Variants in CNTN6 observed in about 807,000 individuals in gnomAD.
CNTN6 encodes the protein contactin 6, also known as contactin-6.
In CNTN6, 137 loss-of-function variants were observed where a neutral mutation model predicts 122.8. That is an observed-to-expected ratio of 1.12 (90% CI 0.97 to 1.29). The LOEUF (loss-of-function observed/expected upper bound fraction) is 1.29, where lower values mean the gene tolerates loss of function less well. CNTN6 is among the 50% of genes most tolerant of loss of function. The probability of loss-of-function intolerance (pLI) is 0.00; values close to 1 mark genes in which losing one functional copy is unlikely to be tolerated. For synonymous variants in CNTN6, 570 were observed against 426.0 expected (o/e 1.34, Z -4.16); for missense variants, 1,634 against 1,223.4 (o/e 1.34, Z -5.01).
chr3:1,350,600 A>G (rs1705471353), intron 11 of CNTN6, among the ~76,000 whole-genome samples: 1 of 151,890 alleles, frequency 6.6e-6, no homozygotes, highest in Admixed American at 6.6e-5. Context: ...TGAGCCTGAA[A>G]GGGGTAGTAT....
intron 2 of CNTN6, among the ~76,000 whole-genome samples, chr3:1,151,660 A>G (rs1322053100): frequency 6.6e-6 from 1 of 152,230 alleles, no homozygotes; most frequent in African/African-American, 2.4e-5. Flanking sequence ...GACCTTCAAC[A>G]ATAGGTCCAT....
chr3:1,197,632 C>T (rs764540928), intron 2 of CNTN6, among the ~76,000 whole-genome samples: 5 of 152,114 alleles, frequency 3.3e-5, no homozygotes, highest in Non-Finnish European at 7.3e-5. Context: ...AAAATGTGCA[C>T]TTATGTGGAG....
chr3:1,279,700 G>A (rs1489755815), intron 5 of CNTN6, among the ~76,000 whole-genome samples: 1 of 152,114 alleles, frequency 6.6e-6, no homozygotes, highest in African/African-American at 2.4e-5. Context: ...ACAAAGGACA[G>A]ATGTTTAAAA....
At chr3:1,095,201 G>T (rs563598845) in intron 1 of CNTN6, among the ~76,000 whole-genome samples, 1 of 151,980 alleles carries the variant, frequency 6.6e-6, no homozygotes, top group African/African-American at 2.4e-5. Flanking sequence ...GGCCGCGCGC[G>T]GTGGTTCACA....
At chr3:1,383,208 G>A (rs761789843) in intron 18 of CNTN6, 32 bp downstream of exon 18, 1 of 1,597,286 alleles carries the variant, frequency 6.3e-7, no homozygotes, top group Non-Finnish European at 8.6e-7. Flanking sequence ...TTTTCTTTGA[G>A]ACTCTATGCA....
chr3:1,379,289 T>TA (rs2126165221), intron 17 of CNTN6, among the ~76,000 whole-genome samples: 1 of 152,322 alleles, frequency 6.6e-6, no homozygotes, highest in Admixed American at 6.5e-5. Context: ...CCTGTTTTGA[T>TA]AAATAAATCC....
In CNTN6 at chr3:1,367,236, G is replaced by A. The variant is rs186986836; in HGVS notation, c.1493-5063G>A. Among the ~76,000 whole-genome samples the A allele has an allele frequency of 1.3e-3, 198 of 152,094 alleles. 1 individual carries two copies. Among genetic ancestry groups the A allele is most frequent in the African/African-American group, 4.6e-3 (189 of 41,508 alleles). On this transcript the variant is annotated intron_variant, in intron 12 of 22. Coordinates refer to ENST00000446702, the MANE Select transcript of CNTN6 (RefSeq NM_001289080.2). ...TTAACTGTAGTCACCATGCTGTGCC[G>A]TAGGTCTCTAAAACTTATTCCTCCC...
chr3:1,355,013 C>T (rs1236133635), intron 12 of CNTN6, among the ~76,000 whole-genome samples: 1 of 151,480 alleles, frequency 6.6e-6, no homozygotes, highest in African/African-American at 2.4e-5. Context: ...GAATAACTCA[C>T]ATATACAAAA....
In CNTN6 at chr3:1,135,781, T is replaced by G. The variant is rs143644286; in HGVS notation, c.-82-12146T>G. On this transcript the variant is annotated intron_variant, in intron 1 of 22. Transcript: ENST00000446702. ...CCGCAGGCGAGTGGATCACCTGAGG[T>G]CAGTAGTTCAAGACCTGCCTGACCA... 2.6e-5 allele frequency among the ~76,000 whole-genome samples: 4 copies of G among 152,238 alleles called. No homozygotes were observed. In the East Asian group the frequency reaches 7.7e-4, roughly 29 times the overall value.
At position 1,383,267 on chromosome 3, in the gene CNTN6, T is replaced by C. The variant is rs749874548; in HGVS notation, c.2402-26T>C. ...TTTCAATGAACCACTCTGCTAAAGA[T>C]GGTTATGTCTTTCTCTGGATGGTAG... On this transcript the variant is annotated intron_variant, in intron 18 of 22. Coordinates refer to ENST00000446702, the MANE Select transcript of CNTN6 (RefSeq NM_001289080.2). The C allele has an allele frequency of 4.4e-6, 7 of 1,602,456 alleles. No individual in the cohort carries two copies. The African/African-American group carries it at 6.7e-5, about 15-fold the overall frequency.
chr3:1,275,229 C>T (rs115713490), intron 4 of CNTN6, among the ~76,000 whole-genome samples: 2,340 of 152,228 alleles, frequency 0.015, 66 homozygotes, highest in African/African-American at 0.05. Context: ...ACCCTCCAAA[C>T]CTTTTGGTAT....
chr3:1,223,265 C>T (rs2094233393), intron 3 of CNTN6, among the ~76,000 whole-genome samples: 1 of 152,156 alleles, frequency 6.6e-6, no homozygotes. Context: ...TCTATCAATC[C>T]ATTGGTGACT....
intron 11 of CNTN6, among the ~76,000 whole-genome samples, chr3:1,351,155 G>A (rs111374379): frequency 0.014 from 2,101 of 151,912 alleles, 56 homozygotes; most frequent in African/African-American, 0.048. Flanking sequence ...TAAATCCAAC[G>A]TCAGAAGCTG....
chr3:1,327,802 G>A (rs1701751285), intron 10 of CNTN6, among the ~76,000 whole-genome samples: 1 of 151,760 alleles, frequency 6.6e-6, no homozygotes, highest in Non-Finnish European at 1.5e-5. Context: ...ACCATTGGGT[G>A]CATCCAAACC....
chr3:1,333,578 T>G (rs1335716773), intron 11 of CNTN6, among the ~76,000 whole-genome samples: 1 of 152,132 alleles, frequency 6.6e-6, no homozygotes, highest in African/African-American at 2.4e-5. Context: ...TGAGGAAATG[T>G]ACATTTTTAG....
chr3:1,397,091 T>C (rs1695079006), intron 20 of CNTN6, among the ~76,000 whole-genome samples: 1 of 152,228 alleles, frequency 6.6e-6, no homozygotes, highest in African/African-American at 2.4e-5. Context: ...TCCAGTCATC[T>C]ACTCAAGAGA....
intron 4 of CNTN6, among the ~76,000 whole-genome samples, chr3:1,277,788 T>TTATAC (rs1051460777): frequency 6.6e-6 from 1 of 152,188 alleles, no homozygotes; most frequent in African/African-American, 2.4e-5. Context: ...GTGGAAAGAT[T>TTATAC]TATACCTCAG....
Position 1,403,461 on chromosome 3 carries a change from C to A in CNTN6, c.*43C>A, listed in dbSNP as rs1333678958. ...CTTTGAGAGTTTTTTGAAAGCAAAT[C>A]ATTCTGTATATATGCTCTCCAGCCT... On this transcript the variant is annotated 3_prime_UTR_variant, in exon 23 of 23. Coordinates refer to ENST00000446702, the MANE Select transcript of CNTN6 (RefSeq NM_001289080.2). 2.3e-6 allele frequency: 3 copies of A among 1,292,894 alleles called. No homozygotes were observed. In the African/African-American group the frequency reaches 4.4e-5, roughly 19 times the overall value. The allele number at this position is 1,292,894 out of a possible 1,614,324, so 80.1% of individuals were successfully genotyped here.
chr3:1,159,180 T>TG (rs758468158), intron 2 of CNTN6, among the ~76,000 whole-genome samples: 4 of 151,848 alleles, frequency 2.6e-5, no homozygotes, highest in African/African-American at 9.7e-5. Flanking sequence ...ATTACCATAG[T>TG]GGGGGCTTAT....
Sources: allele counts gnomAD v4.1 joint callset (sites outside exome capture counted in the v4.1 genomes callset), GRCh38; gene constraint gnomAD v4.1.1; transcripts MANE v1.5; gene names NCBI Gene and HGNC (gene_info 2026-07-23, HGNC 2026-07-21).